Variants in FAM167A observed in about 807,000 individuals in gnomAD.
FAM167A encodes protein FAM167A.
A neutral mutation model predicts 14.9 loss-of-function variants in FAM167A; 23 were observed. That is an observed-to-expected ratio of 1.55 (90% CI 1.11 to 2.19). The LOEUF (loss-of-function observed/expected upper bound fraction) is 2.19. Among genes scored for constraint, FAM167A ranks in the 30% most tolerant of loss-of-function variants. FAM167A has a pLI of 0.00. For synonymous variants in FAM167A, 174 were observed against 117.7 expected (o/e 1.48, Z -3.10); for missense variants, 401 against 281.5 (o/e 1.42, Z -3.04).
chr8:11,431,210 T>G lies in FAM167A; in HGVS notation c.382-6574A>C, dbSNP rs190927336. Among the ~76,000 whole-genome samples the G allele has an allele frequency of 4.9e-4, 75 of 152,378 alleles. 2 individuals carry two copies. Among genetic ancestry groups the G allele is most frequent in the East Asian group, 2.9e-3 (15 of 5,188 alleles). ...CCATAAAGTGGAATATTATTCAGCC[T>G]TGAAAAGGAAGACAATCCTGGCACA... On this transcript the variant is annotated intron_variant, in intron 2 of 2. Transcript: ENST00000284486.
intron 1 of FAM167A, among the ~76,000 whole-genome samples, chr8:11,456,150 AATGTGG>A (rs1807276850): frequency 2.8e-4 from 2 of 7,186 alleles, no homozygotes; most frequent in Non-Finnish European, 5.0e-4. Flanking sequence ...TGTGTGTGTG[AATGTGG>A]GGGGTGGTTG....
chr8:11,433,563 G>A (rs1009149272), intron 2 of FAM167A, among the ~76,000 whole-genome samples: 1 of 152,184 alleles, frequency 6.6e-6, no homozygotes, highest in African/African-American at 2.4e-5. Flanking sequence ...AAGCTGGCTT[G>A]AGAGAAATCC....
intron 2 of FAM167A, among the ~76,000 whole-genome samples, chr8:11,424,859 T>A (rs1273293940): frequency 6.6e-6 from 1 of 152,220 alleles, no homozygotes; most frequent in Admixed American, 6.5e-5. Context: ...AGTTGCTGTA[T>A]CTAAGTCCTT....
At chr8:11,441,911 A>C (rs1806462267) in intron 2 of FAM167A, among the ~76,000 whole-genome samples, 2 of 152,230 alleles carry the variant, frequency 1.3e-5, no homozygotes, top group Admixed American at 1.3e-4. Context: ...GGTACCAGGA[A>C]GGTCATCCGA....
chr8:11,428,095 T>C (rs1805310613), intron 2 of FAM167A, among the ~76,000 whole-genome samples: 1 of 147,690 alleles, frequency 6.8e-6, no homozygotes, highest in South Asian at 2.1e-4. Flanking sequence ...ATAGATCTTT[T>C]TGAAAAACTA....
chr8:11,453,055 G>A (rs1278144563), intron 1 of FAM167A, among the ~76,000 whole-genome samples: 1 of 152,134 alleles, frequency 6.6e-6, no homozygotes, highest in African/African-American at 2.4e-5. Flanking sequence ...CTGAGCCTGG[G>A]GACTTGGACG....
chr8:11,437,417 G>A (rs1355742384), intron 2 of FAM167A, among the ~76,000 whole-genome samples: 2 of 152,124 alleles, frequency 1.3e-5, no homozygotes, highest in South Asian at 2.1e-4. Flanking sequence ...CCTCCTCCCT[G>A]CTCAACGCGC....
At chr8:11,460,142 G>A (rs1400280259) in intron 1 of FAM167A, among the ~76,000 whole-genome samples, 3 of 152,242 alleles carry the variant, frequency 2.0e-5, no homozygotes, top group Admixed American at 2.0e-4. Context: ...TACATGGCAT[G>A]AAACCCACTA....
chr8:11,455,061 G>T (rs929165080), intron 1 of FAM167A, among the ~76,000 whole-genome samples: 6 of 152,248 alleles, frequency 3.9e-5, no homozygotes, highest in African/African-American at 1.2e-4. Context: ...CTGACATGGA[G>T]ATGACATCCT....
chr8:11,446,065 C>G (rs1225481227), intron 1 of FAM167A, among the ~76,000 whole-genome samples: 1 of 144,786 alleles, frequency 6.9e-6, no homozygotes, highest in Non-Finnish European at 1.5e-5. Context: ...GTCATGATTA[C>G]TTGTTTGGAG....
intron 1 of FAM167A, chr8:11,474,718 G>A (rs1414002953): frequency 6.6e-6 from 1 of 152,186 alleles, no homozygotes; most frequent in Non-Finnish European, 1.5e-5. Flanking sequence ...TGATCAAAAT[G>A]TTTCACAATC....
At chr8:11,431,382 CTGGGGAGAGGGGA>C (rs1196927197) in intron 2 of FAM167A, among the ~76,000 whole-genome samples, 1 of 152,164 alleles carries the variant, frequency 6.6e-6, no homozygotes, top group Non-Finnish European at 1.5e-5. Context: ...GTGCCAAGGG[CTGGGGAGAGGGGA>C]TGGGGAGTTA....
upstream of FAM167A, among the ~76,000 whole-genome samples, chr8:11,469,444 A>G (rs1807886694): frequency 6.6e-6 from 1 of 151,976 alleles, no homozygotes; most frequent in Non-Finnish European, 1.5e-5. Context: ...TGGGCCAGAG[A>G]AGGCAAGGCC....
At chr8:11,440,165 C>T (rs1806343370) in intron 2 of FAM167A, among the ~76,000 whole-genome samples, 1 of 152,202 alleles carries the variant, frequency 6.6e-6, no homozygotes, top group South Asian at 2.1e-4. Flanking sequence ...GTCCCAGGAG[C>T]AGCGAGACTG....
chr8:11,438,494 G>A (rs1453055937), intron 2 of FAM167A: 1 of 457,340 alleles, frequency 2.2e-6, no homozygotes, highest in East Asian at 6.9e-5. Flanking sequence ...ATTGGCAAGG[G>A]AGAGAAGAGC....
chr8:11,433,521 G>A (rs1202491279), intron 2 of FAM167A, among the ~76,000 whole-genome samples: 2 of 152,180 alleles, frequency 1.3e-5, no homozygotes, highest in African/African-American at 4.8e-5. Flanking sequence ...CTGAAAACAT[G>A]TTTGGGGCAG....
chr8:11,432,531 C>G (rs2117022828), intron 2 of FAM167A, among the ~76,000 whole-genome samples: 1 of 152,312 alleles, frequency 6.6e-6, no homozygotes, highest in South Asian at 2.1e-4. Context: ...CCATCTCACA[C>G]CAGTTAGGAT....
At chr8:11,474,503 G>C (rs1026484818) in intron 1 of FAM167A, 1 of 152,128 alleles carries the variant, frequency 6.6e-6, no homozygotes, top group Non-Finnish European at 1.5e-5. Flanking sequence ...CAGCTGCCAG[G>C]CTATGGTTCA....
In FAM167A at chr8:11,424,429, T is replaced by A. The variant is rs746092041; in HGVS notation, c.589A>T (p.Lys197Ter). 13 of 1,613,062 alleles carry A rather than the reference T, an allele frequency of 8.1e-6. No homozygotes were observed. Among genetic ancestry groups the A allele is most frequent in the Admixed American group, 1.7e-5 (1 of 59,920 alleles). ...ASSFSLSTPL[K>*]LIGVTKMNIN... is the part of the protein sequence containing the mutation. ...TTCATCTTGGTCACGCCAATAAGCT[T>A]GAGTGGTGTGGAGAGGCTGAAGGAG... The change falls in exon 3 of 3, where the codon AAG (lysine) becomes TAG (stop). Residue 197 changes from lysine (K) to a stop codon, truncating the protein, a stop_gained. Coordinates refer to ENST00000284486, the MANE Select transcript of FAM167A (RefSeq NM_053279.3). LOFTEE classifies it high-confidence loss of function.
Sources: allele counts gnomAD v4.1 joint callset (sites outside exome capture counted in the v4.1 genomes callset), GRCh38; gene constraint gnomAD v4.1.1; transcripts MANE v1.5; gene names NCBI Gene and HGNC (gene_info 2026-07-23, HGNC 2026-07-21).